Variants in VPS33A observed in about 807,000 individuals in gnomAD.
VPS33A encodes VPS33A core subunit of CORVET and HOPS complexes, also known as vacuolar protein sorting-associated protein 33A.
VPS33A carries 32 observed loss-of-function variants against 71.8 expected under a neutral mutation model. That is an observed-to-expected ratio of 0.45 (90% CI 0.34 to 0.60). The LOEUF (loss-of-function observed/expected upper bound fraction) is 0.60, where lower values mean the gene tolerates loss of function less well. VPS33A is among the 20% of genes least tolerant of loss of function. The probability of loss-of-function intolerance (pLI) is 0.02; values close to 1 mark genes in which losing one functional copy is unlikely to be tolerated. For synonymous variants in VPS33A, 311 were observed against 292.7 expected, an observed-to-expected ratio of 1.06 and a Z score of -0.64; for missense variants, 625 against 748.5, an observed-to-expected ratio of 0.84 and a Z score of 1.92.
At chr12:122,245,256 G>A (rs1347965270) in intron 6 of VPS33A, among the ~76,000 whole-genome samples, 5 of 151,852 alleles carry the variant, frequency 3.3e-5, no homozygotes, top group Non-Finnish European at 7.4e-5. Context: ...TGGTGGCTTC[G>A]TTTTATTTTT....
intron 3 of VPS33A, 27 bp downstream of exon 3, chr12:122,263,545 T>A: frequency 6.4e-7 from 1 of 1,573,672 alleles, no homozygotes; most frequent in Non-Finnish European, 8.6e-7. Context: ...CCAAACTCTT[T>A]TGGATCAAAC....
Position 122,251,049 on chromosome 12 carries a change from C to T in VPS33A, c.534G>A (p.Gly178=), listed in dbSNP as rs780474111. The T allele has an allele frequency of 1.2e-6, 2 of 1,614,200 alleles. No homozygotes were observed. The highest frequency in any genetic ancestry group is 1.7e-5 in the Admixed American group (1 of 60,008). Residue 178 remains glycine, a synonymous_variant, in exon 5 of 13, where the codon GGG becomes GGA. Transcript: ENST00000267199. ...CATACAGAGCTTGCAGGGTCATCAG[C>T]CCCTTGGCTGCGTGGTACAGGCTCG... ...DQTSLYHAAK[G]LMTLQALYGT... is the part of the protein sequence containing the mutation.
rs1275839629 is a variant in VPS33A at position 122,235,851 on chromosome 12, C to T, written c.1375G>A (p.Gly459Ser). ...CGTATAGTTGGGTAATTGTTTCTGC[C>T]CCCCGTCTGCGGTTTCAGCAGGCCG... The part of the protein sequence containing the change: ...KAGLLKPQTG[G>S]RNNYPTIRKT... Residue 459 changes from glycine (G) to serine (S), a missense_variant, in exon 11 of 13, where the codon GGC becomes AGC. Physicochemically the swap from Gly to Ser is moderately conservative, Grantham distance 56 (BLOSUM62 0). Coordinates refer to ENST00000267199, the MANE Select transcript of VPS33A (RefSeq NM_022916.6). 2 of 1,613,674 alleles carry T rather than the reference C, an allele frequency of 1.2e-6. No individual in the cohort carries two copies. Among genetic ancestry groups the T allele is most frequent in the Admixed American group, 1.7e-5 (1 of 59,970 alleles).
At chr12:122,233,501 C>T (rs934294904) in intron 11 of VPS33A, among the ~76,000 whole-genome samples, 10 of 152,180 alleles carry the variant, frequency 6.6e-5, no homozygotes, top group Non-Finnish European at 1.2e-4. Flanking sequence ...GTTGGGATTA[C>T]AGGCCTGAGC....
At chr12:122,264,633 C>T (rs1955043063) in intron 1 of VPS33A, 1 of 152,404 alleles carries the variant, frequency 6.6e-6, no homozygotes, top group African/African-American at 2.4e-5. Flanking sequence ...TACGGTGATC[C>T]ACCCGCCTCG....
rs1308281365 is a variant in VPS33A, at chr12:122,230,823, A to G, written c.*1423T>C. 1 of 152,050 alleles carries G rather than the reference A, an allele frequency of 6.6e-6. No individual in the cohort carries two copies. Among genetic ancestry groups the G allele is most frequent in the African/African-American group, 2.4e-5 (1 of 41,404 alleles). The allele number at this position is 152,050 out of a possible 1,614,324, so 9.4% of individuals were successfully genotyped here. ...GAGCAGAGGGGCAGAGAACACACGG[A>G]TTTTCAACTTCTCCTCCAACACCCC... is the stretch of plus-strand genomic sequence containing the variant. On this transcript the variant is annotated 3_prime_UTR_variant, in exon 13 of 13. Transcript: ENST00000267199.
At chr12:122,248,704 C>T (rs1172049832) in intron 6 of VPS33A, 1 of 152,242 alleles carries the variant, frequency 6.6e-6, no homozygotes, top group African/African-American at 2.4e-5. Flanking sequence ...CTGCCCCTGC[C>T]CCAGGATCTC....
intron 4 of VPS33A, among the ~76,000 whole-genome samples, chr12:122,251,791 G>A (rs1470603110): frequency 1.3e-5 from 2 of 151,830 alleles, no homozygotes; most frequent in Admixed American, 6.6e-5. Flanking sequence ...GGGGAAGGGG[G>A]GAGGGATAGC....
chr12:122,263,115 C>T (rs988882112), intron 3 of VPS33A, among the ~76,000 whole-genome samples: 3 of 151,630 alleles, frequency 2.0e-5, no homozygotes, highest in African/African-American at 7.3e-5. Flanking sequence ...GCCTCAGTCT[C>T]CCGAGTAGCT....
At chr12:122,265,076 C>A (rs1390032325) in intron 1 of VPS33A, among the ~76,000 whole-genome samples, 1 of 151,498 alleles carries the variant, frequency 6.6e-6, no homozygotes, top group Non-Finnish European at 1.5e-5. Context: ...GTGTGTGCCA[C>A]CACATCACGC....
At chr12:122,233,644 A>G (rs1285178398) in intron 11 of VPS33A, among the ~76,000 whole-genome samples, 1 of 152,240 alleles carries the variant, frequency 6.6e-6, no homozygotes, top group Non-Finnish European at 1.5e-5. Context: ...TTGCAGAACA[A>G]AAGATAATAG....
rs756582745 is a variant in VPS33A at position 122,244,622 on chromosome 12, C to A, written c.916G>T (p.Ala306Ser). The A allele has an allele frequency of 6.2e-6, 10 of 1,613,908 alleles. No individual in the cohort carries two copies. The highest frequency in any genetic ancestry group is 6.8e-6 in the Non-Finnish European group (8 of 1,179,904). ...YAEIRDKNFN[A>S]VGSVLSKKAK... Reference sequence around the variant, plus strand: ...TTCTTGCTGAGCACAGAGCCAACTGCGTTGAAGTTCTTATCTCGGATCTCA... The same window carrying A: ...TTCTTGCTGAGCACAGAGCCAACTGAGTTGAAGTTCTTATCTCGGATCTCA... The change falls in exon 7 of 13, where the codon GCA becomes TCA. Residue 306 changes from alanine to serine, a missense_variant. Ala to Ser is a moderately conservative substitution (Grantham distance 99). Transcript: ENST00000267199.
At chr12:122,259,789 T>C (rs1238851440) in intron 4 of VPS33A, among the ~76,000 whole-genome samples, 1 of 151,932 alleles carries the variant, frequency 6.6e-6, no homozygotes, top group East Asian at 1.9e-4. Context: ...TAGAATTTCA[T>C]TTCTAAAAAA....
Position 122,266,425 on chromosome 12 carries a change from C to T in VPS33A, c.-17G>A. 3 of 1,604,290 alleles carry T rather than the reference C, an allele frequency of 1.9e-6. No individual in the cohort carries two copies. The highest frequency in any genetic ancestry group is 2.6e-6 in the Non-Finnish European group (3 of 1,173,026). The stretch of plus-strand genomic sequence containing the variant: ...AGCCGCCATCTTGCTCCACCACCCC[C>T]TGCCCCACAACGCCAACCGAGTCCG... On this transcript the variant is annotated 5_prime_UTR_variant, in exon 1 of 13. Transcript: ENST00000267199.
In VPS33A at chr12:122,242,408, A is replaced by G; in HGVS notation, c.1070T>C (p.Ile357Thr). 6.2e-7 allele frequency: 1 copy of G among 1,614,086 alleles called. No individual in the cohort carries two copies. The highest frequency in any genetic ancestry group is 8.5e-7 in the Non-Finnish European group (1 of 1,179,944). ...AGTGACATCTTTGATCAATTCTGCA[A>G]TTGAGGTATGGTTTGCAAGCGAGCC... Reference protein sequence around the residue: ...ARGSLANHTSIAELIKDVTTS... With the variant: ...ARGSLANHTSTAELIKDVTTS... Residue 357 changes from isoleucine (I) to threonine (T), a missense_variant, in exon 8 of 13, where the codon ATT becomes ACT. Physicochemically the swap from Ile to Thr is moderately conservative, Grantham distance 89. Transcript: ENST00000267199.
At chr12:122,242,151 G>C (rs147047476) in intron 8 of VPS33A, among the ~76,000 whole-genome samples, 77 of 151,912 alleles carry the variant, frequency 5.1e-4, no homozygotes, top group African/African-American at 1.8e-3. Context: ...CAAGTGATCT[G>C]CCCGTCTTGG....
chr12:122,233,753 A>G (rs1954595220), intron 11 of VPS33A, among the ~76,000 whole-genome samples: 1 of 152,216 alleles, frequency 6.6e-6, no homozygotes, highest in African/African-American at 2.4e-5. Flanking sequence ...ATCATTAAAT[A>G]AGGTATAGCC....
chr12:122,249,758 A>T (rs1276824420), intron 6 of VPS33A, 113 bp downstream of exon 6: 5 of 1,079,912 alleles, frequency 4.6e-6, no homozygotes, highest in Non-Finnish European at 6.5e-6. Context: ...AATCATTAAA[A>T]TCGGATCTCT....
In VPS33A at chr12:122,232,820, G is replaced by A. The variant is rs759493078; in HGVS notation, c.1589C>T (p.Pro530Leu). Residue 530 changes from proline (P) to leucine (L), a missense_variant, in exon 12 of 13, where the codon CCC becomes CTC. Physicochemically the swap from Pro to Leu is moderately conservative, Grantham distance 98. Transcript: ENST00000267199. ...GPHFEERQPLPTGLQKKRQPG... is the reference protein window; with the variant it reads ...GPHFEERQPLLTGLQKKRQPG... ...CTTACGTTTCTTCTGCAGTCCTGTG[G>A]GCAGTGGCTGCCGCTCCTCAAAGTG... 2 of 1,613,708 alleles carry A rather than the reference G, an allele frequency of 1.2e-6. No homozygotes were observed. The highest frequency in any genetic ancestry group is 1.7e-6 in the Non-Finnish European group (2 of 1,179,754).
Sources: allele counts gnomAD v4.1 joint callset (sites outside exome capture counted in the v4.1 genomes callset), GRCh38; gene constraint gnomAD v4.1.1; transcripts MANE v1.5; gene names NCBI Gene and HGNC (gene_info 2026-07-23, HGNC 2026-07-21).